ARHGEF28: variants seen among roughly 807,000 people sequenced by gnomAD.
ARHGEF28 encodes the protein Rho guanine nucleotide exchange factor 28, also known as 190 kDa guanine nucleotide exchange factor.
Under a neutral mutation model 206.6 loss-of-function variants are expected in ARHGEF28, and 152 were observed. The ratio of observed to expected loss-of-function variants is 0.74; its 90% CI spans 0.64 to 0.84. The LOEUF (loss-of-function observed/expected upper bound fraction) is 0.84. ARHGEF28 is among the 40% of genes least tolerant of loss of function. The pLI is 0.00. For synonymous variants in ARHGEF28, 763 were observed against 776.4 expected, an observed-to-expected ratio of 0.98 and a Z score of 0.29; for missense variants, 2,028 against 2,073.2, an observed-to-expected ratio of 0.98 and a Z score of 0.42.
chr5:73,660,989 G>A (rs942622579), intron 1 of ARHGEF28, among the ~76,000 whole-genome samples: 1 of 152,198 alleles, frequency 6.6e-6, no homozygotes, highest in African/African-American at 2.4e-5. Context: ...TAATGAGAGA[G>A]TCAGCCTGTC....
In ARHGEF28 at chr5:73,793,115, A is replaced by G. The variant is rs1754583898; in HGVS notation, c.911-1287A>G. 2.0e-5 allele frequency among the ~76,000 whole-genome samples: 3 copies of G among 152,212 alleles called. No individual in the cohort carries two copies. In the South Asian group the frequency reaches 6.2e-4, roughly 31 times the overall value. ...ATTTCCTTGTTGGTTTAATCATAGAAGCTAATATGCATTATAAATTCAAGA... is the reference window on the plus strand; with the variant it reads ...ATTTCCTTGTTGGTTTAATCATAGAGGCTAATATGCATTATAAATTCAAGA... On this transcript the variant is annotated intron_variant, in intron 7 of 35. Transcript: ENST00000513042.
At chr5:73,874,900 G>C (rs1009216028) in intron 22 of ARHGEF28, among the ~76,000 whole-genome samples, 4 of 151,150 alleles carry the variant, frequency 2.6e-5, no homozygotes, top group African/African-American at 9.8e-5. Flanking sequence ...TGTCTTTATA[G>C]CAGCATGATT....
chr5:73,657,806 A>G (rs1745312315), intron 1 of ARHGEF28, among the ~76,000 whole-genome samples: 1 of 152,200 alleles, frequency 6.6e-6, no homozygotes, highest in South Asian at 2.1e-4. Context: ...CATTATTTGA[A>G]TAAAGACATG....
At chr5:73,871,216 G>C (rs2094214854) in intron 21 of ARHGEF28, among the ~76,000 whole-genome samples, 1 of 152,134 alleles carries the variant, frequency 6.6e-6, no homozygotes, top group Admixed American at 6.6e-5. Context: ...TGTCAGAAAG[G>C]CTTGCATTCC....
Position 73,893,054 on chromosome 5 carries a change from C to T in ARHGEF28, c.3567-143C>T, listed in dbSNP as rs912518802. ...ATTCTCAAGAAAACCAAGTCTCTGG[C>T]CAGGGGGGATGATGCATTCCCTTTA... On this transcript the variant is annotated intron_variant, in intron 27 of 35. Transcript: ENST00000513042. 4.9e-6 allele frequency: 3 copies of T among 610,584 alleles called. No homozygotes were observed. In the African/African-American group the frequency reaches 5.7e-5, roughly 12 times the overall value. The allele number at this position is 610,584 out of a possible 1,614,324, so 37.8% of individuals were successfully genotyped here. A position where few individuals can be genotyped will look rare whatever the true frequency, so the allele number is the denominator to read the frequency against.
At chr5:73,675,963 C>T (rs945245564) in intron 1 of ARHGEF28, among the ~76,000 whole-genome samples, 1 of 150,904 alleles carries the variant, frequency 6.6e-6, no homozygotes, top group Non-Finnish European at 1.5e-5. Context: ...GTGTGTGTGT[C>T]TGTGTGTGTA....
intron 22 of ARHGEF28, among the ~76,000 whole-genome samples, chr5:73,874,731 C>A (rs1760345499): frequency 6.6e-6 from 1 of 151,044 alleles, no homozygotes; most frequent in African/African-American, 2.4e-5. Flanking sequence ...ATCCATGTCC[C>A]TACAAAGGAC....
intron 22 of ARHGEF28, 37 bp from the exon 23 acceptor site, chr5:73,882,435 A>T: frequency 7.5e-7 from 1 of 1,336,462 alleles, no homozygotes; most frequent in Non-Finnish European, 1.0e-6. Context: ...AGAACTTACT[A>T]AATTTACAAA....
chr5:73,845,011 A>ATTTTTTTTTTTT (rs70973277), intron 11 of ARHGEF28, among the ~76,000 whole-genome samples: 13 of 99,362 alleles, frequency 1.3e-4, no homozygotes, highest in African/African-American at 4.4e-4. Context: ...CAAAGGAATC[A>ATTTTTTTTTTTT]TTTTTTTTTT....
intron 4 of ARHGEF28, among the ~76,000 whole-genome samples, chr5:73,755,366 C>A (rs1219509070): frequency 1.3e-5 from 2 of 151,922 alleles, no homozygotes; most frequent in Non-Finnish European, 2.9e-5. Context: ...TCATGATTTC[C>A]CATGAGTAAA....
chr5:73,693,667 A>G (rs1747992321), intron 2 of ARHGEF28, among the ~76,000 whole-genome samples: 1 of 152,222 alleles, frequency 6.6e-6, no homozygotes, highest in Non-Finnish European at 1.5e-5. Context: ...AGCGAATTAT[A>G]TTAACTTTAC....
At chr5:73,917,822 A>G (rs1006965024) in intron 35 of ARHGEF28, among the ~76,000 whole-genome samples, 3 of 152,218 alleles carry the variant, frequency 2.0e-5, no homozygotes, top group Admixed American at 1.3e-4. Context: ...ACATGCACAC[A>G]TATACACACA....
intron 2 of ARHGEF28, among the ~76,000 whole-genome samples, chr5:73,689,142 G>T (rs1747660655): frequency 6.6e-6 from 1 of 152,138 alleles, no homozygotes; most frequent in African/African-American, 2.4e-5. Context: ...CACAAAGCAA[G>T]AATTAAATTT....
intron 9 of ARHGEF28, among the ~76,000 whole-genome samples, chr5:73,813,155 C>A (rs1755946527): frequency 6.6e-6 from 1 of 152,126 alleles, no homozygotes; most frequent in South Asian, 2.1e-4. Flanking sequence ...TATTCTCACT[C>A]CGAGCAAAAC....
At chr5:73,895,549 T>C (rs1441641566) in intron 29 of ARHGEF28, among the ~76,000 whole-genome samples, 1 of 152,000 alleles carries the variant, frequency 6.6e-6, no homozygotes, top group African/African-American at 2.4e-5. Context: ...TGGTCTGAAG[T>C]GACAGTGGGA....
chr5:73,774,498 G>C lies in ARHGEF28; in HGVS notation c.659+460G>C, dbSNP rs184413394. Among the ~76,000 whole-genome samples the C allele has an allele frequency of 3.3e-3, 505 of 152,270 alleles. 5 individuals carry two copies. The highest frequency in any genetic ancestry group is 0.011 in the African/African-American group (472 of 41,554). ...ACCCATTGCAATGCTCTAGTACAAT[G>C]TCCAGCACATAATATTTGTTGAAAG... On this transcript the variant is annotated intron_variant, in intron 5 of 35. Transcript: ENST00000513042.
At chr5:73,803,495 G>A (rs1755260013) in intron 9 of ARHGEF28, 2 of 156,470 alleles carry the variant, frequency 1.3e-5, no homozygotes, top group African/African-American at 2.4e-5. Context: ...ATGGGACCAA[G>A]TTTCTTGTTA....
At chr5:73,930,001 T>A (rs980139900) in intron 35 of ARHGEF28, among the ~76,000 whole-genome samples, 1 of 152,074 alleles carries the variant, frequency 6.6e-6, no homozygotes, top group Non-Finnish European at 1.5e-5. Context: ...AATGAAAAAA[T>A]TTTAGTATAT....
At chr5:73,914,616 C>T (rs558479165) in intron 35 of ARHGEF28, among the ~76,000 whole-genome samples, 15 of 152,110 alleles carry the variant, frequency 9.9e-5, no homozygotes, top group East Asian at 3.9e-4. Context: ...AGGCTGGTCT[C>T]GAACTCCTGA....
Sources: allele counts gnomAD v4.1 joint callset (sites outside exome capture counted in the v4.1 genomes callset), GRCh38; gene constraint gnomAD v4.1.1; transcripts MANE v1.5; gene names NCBI Gene and HGNC (gene_info 2026-07-23, HGNC 2026-07-21).